The following LDLRAD3 variants were observed in gnomAD, a reference collection of about 807,000 sequenced individuals.
The protein encoded by LDLRAD3 is low density lipoprotein receptor class A domain containing 3.
Under a neutral mutation model 29.4 loss-of-function variants are expected in LDLRAD3, and 20 were observed. The ratio of observed to expected loss-of-function variants is 0.68; its 90% CI spans 0.48 to 0.99. The LOEUF (loss-of-function observed/expected upper bound fraction) is 0.99. LDLRAD3 is among the 50% of genes least tolerant of loss of function. The pLI is 0.00. For missense variants in LDLRAD3, 420 were observed against 454.3 expected, an observed-to-expected ratio of 0.92 and a Z score of 0.69; for synonymous variants, 157 against 192.7, an observed-to-expected ratio of 0.81 and a Z score of 1.53.
At chr11:36,221,487 A>G (rs1455519735) in intron 4 of LDLRAD3, among the ~76,000 whole-genome samples, 1 of 152,180 alleles carries the variant, frequency 6.6e-6, no homozygotes, top group Non-Finnish European at 1.5e-5. Flanking sequence ...AAGCACCTAC[A>G]GGGAGAGAAG....
At chr11:35,999,217 A>C (rs771611097) in intron 1 of LDLRAD3, among the ~76,000 whole-genome samples, 1 of 152,162 alleles carries the variant, frequency 6.6e-6, no homozygotes, top group Non-Finnish European at 1.5e-5. Context: ...GAACAGACTT[A>C]CAATCAGTTA....
chr11:35,945,781 C>G (rs1851049661), intron 1 of LDLRAD3, among the ~76,000 whole-genome samples: 1 of 152,180 alleles, frequency 6.6e-6, no homozygotes, highest in Non-Finnish European at 1.5e-5. Context: ...CCAGTTGGTA[C>G]TGGGTTGCTT....
At chr11:36,042,021 G>C (rs927752612) in intron 2 of LDLRAD3, among the ~76,000 whole-genome samples, 1 of 152,164 alleles carries the variant, frequency 6.6e-6, no homozygotes, top group East Asian at 1.9e-4. Flanking sequence ...ACCGTTTCTT[G>C]AACATGTGTT....
At chr11:35,970,173 C>T (rs1475816254) in intron 1 of LDLRAD3, among the ~76,000 whole-genome samples, 1 of 152,148 alleles carries the variant, frequency 6.6e-6, no homozygotes, top group South Asian at 2.1e-4. Flanking sequence ...TAAATTGTGT[C>T]CCCTGAAAAG....
Position 36,213,875 on chromosome 11 carries a change from G to T in LDLRAD3, c.455-13210G>T, listed in dbSNP as rs757202786. Among the ~76,000 whole-genome samples the T allele has an allele frequency of 3.3e-5, 5 of 152,042 alleles. No homozygotes were observed. Among genetic ancestry groups the T allele is most frequent in the Non-Finnish European group, 1.5e-5 (1 of 68,006 alleles). On this transcript the variant is annotated intron_variant, in intron 4 of 5. Transcript: ENST00000315571. The surrounding 1 kb of genome is among the most constrained non-coding windows in gnomAD (Gnocchi z 4.1). ...TTCTCTGCCATTCAGCACTCCCAAG[G>T]CCCGTTTTAATCTAGTGTGAAGGGT...
chr11:36,019,330 GAGA>G (rs1407179215), intron 1 of LDLRAD3, among the ~76,000 whole-genome samples: 2 of 152,232 alleles, frequency 1.3e-5, no homozygotes, highest in Non-Finnish European at 2.9e-5. Context: ...GACAAAAGGA[GAGA>G]CAGGGAGAGT....
chr11:36,146,707 G>A (rs138245575), intron 4 of LDLRAD3, among the ~76,000 whole-genome samples: 1 of 151,328 alleles, frequency 6.6e-6, no homozygotes, highest in Non-Finnish European at 1.5e-5. Context: ...CTCTGCTTCC[G>A]TCTTCACCTG....
At chr11:36,223,977 C>T (rs895302511) in intron 4 of LDLRAD3, among the ~76,000 whole-genome samples, 3 of 151,140 alleles carry the variant, frequency 2.0e-5, no homozygotes, top group South Asian at 2.1e-4. Flanking sequence ...CATGTGTGAA[C>T]GTTAATAATG....
chr11:36,094,520 A>T (rs1266121685), intron 3 of LDLRAD3, among the ~76,000 whole-genome samples: 2 of 152,162 alleles, frequency 1.3e-5, no homozygotes, highest in African/African-American at 4.8e-5. Flanking sequence ...CTTTATAAGT[A>T]AACATTTGAG....
intron 4 of LDLRAD3, among the ~76,000 whole-genome samples, chr11:36,207,293 G>A (rs74914121): frequency 0.14 from 20,888 of 152,146 alleles, 1,530 homozygotes; most frequent in Admixed American, 0.22. Flanking sequence ...TCAAGAGCAG[G>A]TAGCTAAGAT....
chr11:35,976,679 A>G (rs982512256), intron 1 of LDLRAD3, among the ~76,000 whole-genome samples: 1 of 152,128 alleles, frequency 6.6e-6, no homozygotes, highest in Admixed American at 6.5e-5. Flanking sequence ...TACTGAGTTG[A>G]ATAACACAAA....
chr11:36,114,160 TGATCAACACCGGA>T (rs1403873537), intron 4 of LDLRAD3, among the ~76,000 whole-genome samples: 2 of 152,184 alleles, frequency 1.3e-5, no homozygotes, highest in Admixed American at 6.5e-5. Flanking sequence ...TTTTTTGCAC[TGATCAACACCGGA>T]ACTTTTAGAA....
At chr11:36,080,816 A>G (rs1853101647) in intron 2 of LDLRAD3, among the ~76,000 whole-genome samples, 1 of 152,218 alleles carries the variant, frequency 6.6e-6, no homozygotes, top group South Asian at 2.1e-4. Flanking sequence ...GTTGAGCCCA[A>G]AGGATGCACT....
At chr11:36,040,541 T>A (rs185475883) in intron 2 of LDLRAD3, among the ~76,000 whole-genome samples, 3 of 152,324 alleles carry the variant, frequency 2.0e-5, no homozygotes, top group Admixed American at 2.0e-4. Flanking sequence ...TCATTTTTAG[T>A]GCCATTAACT....
At chr11:36,163,245 G>A (rs1854468475) in intron 4 of LDLRAD3, 1 of 152,228 alleles carries the variant, frequency 6.6e-6, no homozygotes, top group Non-Finnish European at 1.5e-5. Flanking sequence ...GCCTGTAATT[G>A]GTAGATGGAT....
intron 4 of LDLRAD3, among the ~76,000 whole-genome samples, chr11:36,209,579 C>T (rs1464759399): frequency 1.3e-5 from 2 of 151,918 alleles, no homozygotes; most frequent in Non-Finnish European, 1.5e-5. Context: ...AGGCTGGTCT[C>T]GAACTACTGA....
At position 36,229,609 on chromosome 11, in the gene LDLRAD3, TGTCAGGTCAC is replaced by T; in HGVS notation, c.*213_*222del. The T allele has an allele frequency of 7.6e-6, 4 of 526,588 alleles. No homozygotes were observed. The highest frequency in any genetic ancestry group is 1.3e-5 in the Non-Finnish European group (4 of 296,370). The allele number at this position is 526,588 out of a possible 1,614,324, so 32.6% of individuals were successfully genotyped here. A position where few individuals can be genotyped will look rare whatever the true frequency, so the allele number is the denominator to read the frequency against. On this transcript the variant is annotated 3_prime_UTR_variant, in exon 6 of 6. Coordinates refer to ENST00000315571, the MANE Select transcript of LDLRAD3 (RefSeq NM_174902.4). The stretch of plus-strand genomic sequence containing the variant: ...GACATGATCTGTTGTGCGTCTTTTC[TGTCAGGTCAC>T]TCTTCCCTTGGGACCCGAGATCACA...
chr11:36,141,128 G>T lies in LDLRAD3; in HGVS notation c.454+42667G>T, dbSNP rs146245445. Among the ~76,000 whole-genome samples the T allele has an allele frequency of 7.8e-3, 1,179 of 152,066 alleles. 9 individuals carry two copies. The highest frequency in any genetic ancestry group is 0.014 in the Non-Finnish European group (923 of 67,998). Reference sequence around the variant, plus strand: ...GGTACTAGCCCTGCTTCCTGTATGGGCTGTCATGGGGATTCGATGGCAGTA... The same window carrying T: ...GGTACTAGCCCTGCTTCCTGTATGGTCTGTCATGGGGATTCGATGGCAGTA... On this transcript the variant is annotated intron_variant, in intron 4 of 5. Transcript: ENST00000315571.
chr11:36,119,123 G>T lies in LDLRAD3; in HGVS notation c.454+20662G>T, dbSNP rs551281313. Reference sequence around the variant, plus strand: ...TGAGCTAAAAATAAAAAATAAAAAAGGTTCGTCCGTAATTTTCTTGATATC... The same window carrying T: ...TGAGCTAAAAATAAAAAATAAAAAATGTTCGTCCGTAATTTTCTTGATATC... On this transcript the variant is annotated intron_variant, in intron 4 of 5. Coordinates refer to ENST00000315571, the MANE Select transcript of LDLRAD3 (RefSeq NM_174902.4). 3.3e-5 allele frequency among the ~76,000 whole-genome samples: 5 copies of T among 152,082 alleles called. No individual in the cohort carries two copies. In the South Asian group the frequency reaches 8.3e-4, roughly 25 times the overall value.
Sources: gnomAD v4.1 joint callset for allele counts (sites outside exome capture counted in the v4.1 genomes callset) on GRCh38, gnomAD v4.1.1 for gene constraint, Gnocchi (gnomAD v3.1) non-coding constraint, MANE v1.5 for transcripts, NCBI Gene and HGNC (gene_info 2026-07-23, HGNC 2026-07-21) for gene names.